DNAJC9: variants seen among roughly 807,000 people sequenced by gnomAD.
DNAJC9 encodes the protein DnaJ heat shock protein family (Hsp40) member C9.
DNAJC9 carries 18 observed loss-of-function variants against 32.4 expected under a neutral mutation model. The ratio of observed to expected loss-of-function variants is 0.56; its 90% CI spans 0.38 to 0.82. The LOEUF (loss-of-function observed/expected upper bound fraction) is 0.82. DNAJC9 is among the 40% of genes least tolerant of loss of function. The pLI, the probability that DNAJC9 is intolerant of heterozygous loss-of-function variation, is 0.00. For missense variants in DNAJC9, 310 were observed against 321.8 expected, an observed-to-expected ratio of 0.96 and a Z score of 0.28; for synonymous variants, 113 against 122.1, an observed-to-expected ratio of 0.93 and a Z score of 0.49.
chr10:73,241,173 C>T (rs182157693), downstream of DNAJC9: 7 of 609,842 alleles, frequency 1.1e-5, 1 homozygote, highest in South Asian at 9.1e-5. Flanking sequence ...AACAAAACAC[C>T]ATAGCAGCCA....
chr10:73,237,073 A>C (rs953417664), downstream of DNAJC9, among the ~76,000 whole-genome samples: 2 of 152,014 alleles, frequency 1.3e-5, no homozygotes, highest in Admixed American at 1.3e-4. Context: ...CCCTCTTCTT[A>C]TAAGATACCA....
chr10:73,236,405 A>G (rs1012651118), downstream of DNAJC9, among the ~76,000 whole-genome samples: 3 of 141,284 alleles, frequency 2.1e-5, no homozygotes, highest in Non-Finnish European at 3.1e-5. Flanking sequence ...ATCACTCCCA[A>G]TTTCTGCCTT....
chr10:73,232,690 T>A (rs2133404625), intron 2 of DNAJC9, among the ~76,000 whole-genome samples: 1 of 152,376 alleles, frequency 6.6e-6, no homozygotes, highest in East Asian at 1.9e-4. Flanking sequence ...GATAATGGAC[T>A]TGCTTTGCCA....
intron 2 of DNAJC9, among the ~76,000 whole-genome samples, chr10:73,232,565 C>T (rs1057506789): frequency 3.9e-5 from 6 of 152,198 alleles, no homozygotes; most frequent in Admixed American, 3.9e-4. Flanking sequence ...CAAAAGAATG[C>T]CTCAAACAGA....
intron 3 of DNAJC9, among the ~76,000 whole-genome samples, chr10:73,244,950 C>T (rs138974180): frequency 3.1e-4 from 47 of 152,262 alleles, no homozygotes; most frequent in African/African-American, 1.0e-3. Flanking sequence ...CAAAACTATG[C>T]CATTTTCTCC....
chr10:73,235,042 G>A, downstream of DNAJC9: 1 of 1,478,868 alleles, frequency 6.8e-7, no homozygotes, highest in Non-Finnish European at 9.1e-7. Context: ...ACTGTGTTTT[G>A]TCAAAAGTAC....
intron 2 of DNAJC9, among the ~76,000 whole-genome samples, chr10:73,233,634 G>A (rs777534796): frequency 1.3e-5 from 2 of 152,140 alleles, no homozygotes; most frequent in South Asian, 2.1e-4. Flanking sequence ...GTGAACCACC[G>A]CACCCAGCAG....
chr10:73,247,001 C>A lies in DNAJC9; in HGVS notation c.180+9G>T. 6.4e-7 allele frequency: 1 copy of A among 1,559,594 alleles called. No individual in the cohort carries two copies. The highest frequency in any genetic ancestry group is 1.4e-5 in the African/African-American group (1 of 73,874). On this transcript the variant is annotated intron_variant, in intron 1 of 4. Transcript: ENST00000372950. ...CAGCCGGTCGGCTTCGGGGCGGGAC[C>A]CTGCATACCTGGAAGCGGCGGGTGG... is the stretch of plus-strand genomic sequence containing the variant.
intron 3 of DNAJC9, among the ~76,000 whole-genome samples, chr10:73,244,810 AGCAATTAAT>A (rs1201215396): frequency 6.7e-6 from 1 of 150,374 alleles, no homozygotes; most frequent in Non-Finnish European, 1.5e-5. Context: ...TTTTCTAAGT[AGCAATTAAT>A]GCTATTAATA....
downstream of DNAJC9, among the ~76,000 whole-genome samples, chr10:73,238,366 T>A (rs568305334): frequency 1.3e-4 from 20 of 152,294 alleles, no homozygotes; most frequent in Non-Finnish European, 2.5e-4. Context: ...AAAAAAAGAA[T>A]GCTAGCTGTC....
At chr10:73,241,919 C>A (rs536743844), downstream of DNAJC9, 1 of 152,252 alleles carries the variant, frequency 6.6e-6, no homozygotes, top group East Asian at 1.9e-4. Flanking sequence ...TTACTGTGGA[C>A]CTTTTCCTAA....
downstream of DNAJC9, chr10:73,235,246 C>T: frequency 1.3e-6 from 2 of 1,551,826 alleles, no homozygotes; most frequent in Non-Finnish European, 1.7e-6. Context: ...ATGAACCTAA[C>T]TATCAGCAGC....
intron 2 of DNAJC9, chr10:73,232,989 C>A: frequency 6.4e-7 from 1 of 1,552,046 alleles, no homozygotes; most frequent in Non-Finnish European, 8.7e-7. Flanking sequence ...ACCATCCTTT[C>A]AACTCGAAAT....
chr10:73,240,608 G>A (rs894567986), downstream of DNAJC9, among the ~76,000 whole-genome samples: 12 of 151,956 alleles, frequency 7.9e-5, no homozygotes, highest in East Asian at 5.8e-4. Flanking sequence ...GCTACTCGGG[G>A]GACTGAGGCA....
downstream of DNAJC9, chr10:73,234,490 A>G (rs2043778511): frequency 7.3e-6 from 2 of 274,724 alleles, no homozygotes; most frequent in East Asian, 1.8e-4. Flanking sequence ...CAAGAATTCC[A>G]TCATCAGCTG....
rs370597793 is a variant in DNAJC9, at chr10:73,233,085, C to G, written n.147+10758G>C. ...AGGAGACGCAATCCACCACCACGAA[C>G]TCTTCATCCGATCAGCACGAGCCAT... On this transcript the variant is annotated intron_variant and non_coding_transcript_variant, in intron 2 of 2. Coordinates refer to the DNAJC9 transcript ENST00000469143. The G allele has an allele frequency of 5.8e-6, 9 of 1,551,592 alleles. No individual in the cohort carries two copies. The African/African-American group carries it at 1.1e-4, about 19-fold the overall frequency.
chr10:73,241,215 T>C (rs1183837974), downstream of DNAJC9: 28 of 545,614 alleles, frequency 5.1e-5, 1 homozygote, highest in South Asian at 5.0e-4. Context: ...CTATCTCCAG[T>C]TACTGTCTCT....
downstream of DNAJC9, among the ~76,000 whole-genome samples, chr10:73,235,988 A>C (rs1388522783): frequency 6.6e-6 from 1 of 152,140 alleles, no homozygotes; most frequent in Admixed American, 6.6e-5. Flanking sequence ...GACCCCACAT[A>C]ATCTGCTTTG....
At chr10:73,232,857 C>A in intron 2 of DNAJC9, 1 of 835,240 alleles carries the variant, frequency 1.2e-6, no homozygotes, top group Non-Finnish European at 2.0e-6. Flanking sequence ...AGTTTCTAGT[C>A]TAAGGCTTTT....
Sources: gnomAD v4.1 joint callset for allele counts (sites outside exome capture counted in the v4.1 genomes callset) on GRCh38, gnomAD v4.1.1 for gene constraint, MANE v1.5 for transcripts, NCBI Gene and HGNC (gene_info 2026-07-23, HGNC 2026-07-21) for gene names.